OR6C3: variants seen among roughly 807,000 people sequenced by gnomAD.
The protein encoded by OR6C3 is olfactory receptor family 6 subfamily C member 3.
For missense variants in OR6C3, 487 were observed against 364.6 expected (o/e 1.34, Z -2.73); for synonymous variants, 177 against 137.4 (o/e 1.29, Z -2.02).
At chr12:55,330,220 A>G (rs568383029), upstream of OR6C3, 3 of 152,286 alleles carry the variant, frequency 2.0e-5, no homozygotes, top group South Asian at 6.2e-4. Flanking sequence ...AATGTGTCAT[A>G]TATTTACCTA....
Position 55,331,999 on chromosome 12 carries a change from TC to T in OR6C3, c.300del (p.Phe101LeufsTer6). The T allele has an allele frequency of 6.2e-7, 1 of 1,614,176 alleles. No homozygotes were observed. Among genetic ancestry groups the T allele is most frequent in the Non-Finnish European group, 8.5e-7 (1 of 1,180,032 alleles). Reference sequence around the variant, plus strand: ...AACAACTGTGCAGCCCAACTCTTTTTCTTTATCTTCATGGGGGTGACTGAAT... The same window carrying T: ...AACAACTGTGCAGCCCAACTCTTTTTTTTATCTTCATGGGGGTGACTGAAT... ...SYNNCAAQLF[F>X]FIFMGVTEFY... On this transcript the variant is annotated frameshift_variant, in exon 2 of 2. Coordinates refer to ENST00000641740, the MANE Select transcript of OR6C3 (RefSeq NM_001388498.1). LOFTEE classifies it low-confidence loss of function (END_TRUNC).
rs1462992344 is a variant in OR6C3 at position 55,331,755 on chromosome 12, G to A, written c.55G>A (p.Asp19Asn). 1.9e-6 allele frequency: 3 copies of A among 1,613,806 alleles called. No homozygotes were observed. In the Admixed American group the frequency reaches 5.0e-5, roughly 27 times the overall value. Residue 19 changes from aspartate to asparagine, a missense_variant, in exon 2 of 2, where the codon GAC becomes AAC. Asp to Asn is a conservative substitution (Grantham distance 23). Coordinates refer to ENST00000641740, the MANE Select transcript of OR6C3 (RefSeq NM_001388498.1). Reference sequence around the variant, plus strand: ...CCTCCTGGGCCTTTCTGATGATCCTGACCTTCAGATTGTGATTTTTCTCTT... The same window carrying A: ...CCTCCTGGGCCTTTCTGATGATCCTAACCTTCAGATTGTGATTTTTCTCTT... ...FVLLGLSDDPDLQIVIFLFLF... is the reference protein window; with the variant it reads ...FVLLGLSDDPNLQIVIFLFLF...
rs756174601 is a variant in OR6C3 at position 55,332,054 on chromosome 12, C to A, written c.354C>A (p.Asp118Glu). ...ACATTTTAACTGCCATGTCCTATGA[C>A]CGCTATGTTGCCATCTGCAAGCCCC... ...EFYILTAMSY[D>E]RYVAICKPLH... Residue 118 changes from aspartate to glutamate, a missense_variant, in exon 2 of 2, where the codon GAC becomes GAA. Transcript: ENST00000641740. The A allele has an allele frequency of 2.5e-6, 4 of 1,613,988 alleles. No individual in the cohort carries two copies. Among genetic ancestry groups the A allele is most frequent in the Non-Finnish European group, 3.4e-6 (4 of 1,179,992 alleles).
Position 55,332,563 on chromosome 12 carries a change from C to T in OR6C3, c.863C>T (p.Thr288Ile), listed in dbSNP as rs759120434. ...VAPMLNPFIY[T>I]LRNQQVKQAF... ...CCCATGCTGAACCCCTTCATTTACA[C>T]TCTGAGAAACCAGCAAGTAAAACAA... The change falls in exon 2 of 2, where the codon ACT (threonine) becomes ATT (isoleucine). Residue 288 changes from threonine (T) to isoleucine (I), a missense_variant. Physicochemically the swap from Thr to Ile is moderately conservative, Grantham distance 89. Coordinates refer to ENST00000641740, the MANE Select transcript of OR6C3 (RefSeq NM_001388498.1). 8.7e-6 allele frequency: 14 copies of T among 1,612,282 alleles called. No individual in the cohort carries two copies. Among genetic ancestry groups the T allele is most frequent in the Non-Finnish European group, 1.2e-5 (14 of 1,179,808 alleles).
At position 55,332,036 on chromosome 12, in the gene OR6C3, A is replaced by T. The variant is rs921160917; in HGVS notation, c.336A>T (p.Leu112Phe). ...IFMGVTEFYI[L>F]TAMSYDRYVA... The stretch of plus-strand genomic sequence containing the variant: ...TGGGGGTGACTGAATTTTACATTTT[A>T]ACTGCCATGTCCTATGACCGCTATG... Residue 112 changes from leucine (L) to phenylalanine (F), a missense_variant, in exon 2 of 2, where the codon TTA becomes TTT. Physicochemically the swap from Leu to Phe is conservative, Grantham distance 22. Transcript: ENST00000641740. 1.9e-6 allele frequency: 3 copies of T among 1,613,984 alleles called. No individual in the cohort carries two copies. Among genetic ancestry groups the T allele is most frequent in the Non-Finnish European group, 2.5e-6 (3 of 1,180,020 alleles).
At position 55,332,608 on chromosome 12, in the gene OR6C3, A is replaced by G. The variant is rs1336240876; in HGVS notation, c.908A>G (p.His303Arg). The G allele has an allele frequency of 6.2e-7, 1 of 1,600,374 alleles. No homozygotes were observed. The highest frequency in any genetic ancestry group is 1.7e-5 in the Admixed American group (1 of 58,778). Reference protein sequence around the residue: ...QVKQAFKNVVHKVVFYANQ With the variant: ...QVKQAFKNVVRKVVFYANQ ...AAACAAGCCTTCAAAAATGTGGTCC[A>G]CAAAGTTGTGTTTTATGCAAATCAA... Residue 303 changes from histidine (H) to arginine (R), a missense_variant, in exon 2 of 2, where the codon CAC (histidine) becomes CGC (arginine). By Grantham distance (29) the His-to-Arg change is conservative. Coordinates refer to ENST00000641740, the MANE Select transcript of OR6C3 (RefSeq NM_001388498.1).
chr12:55,331,855 T>A lies in OR6C3; in HGVS notation c.155T>A (p.Leu52Gln). The A allele has an allele frequency of 1.2e-6, 2 of 1,614,206 alleles. No homozygotes were observed. The highest frequency in any genetic ancestry group is 1.7e-6 in the Non-Finnish European group (2 of 1,180,024). Residue 52 changes from leucine to glutamine, a missense_variant, in exon 2 of 2, where the codon CTG (leucine) becomes CAG (glutamine). Transcript: ENST00000641740. ...ACCCTAACCTTTGTGGACTCCCATC[T>A]GCAGACACCTATGTATTTCTTCCTC... ...IITLTFVDSH[L>Q]QTPMYFFLRN...
In OR6C3 at chr12:55,331,861, C is replaced by A. The variant is rs1278008686; in HGVS notation, c.161C>A (p.Thr54Lys). 6.2e-7 allele frequency: 1 copy of A among 1,614,008 alleles called. No homozygotes were observed. The highest frequency in any genetic ancestry group is 8.5e-7 in the Non-Finnish European group (1 of 1,180,002). ...TLTFVDSHLQ[T>K]PMYFFLRNFS... ...ACCTTTGTGGACTCCCATCTGCAGA[C>A]ACCTATGTATTTCTTCCTCCGGAAC... Residue 54 changes from threonine to lysine, a missense_variant, in exon 2 of 2, where the codon ACA becomes AAA. By Grantham distance (78) the Thr-to-Lys change is moderately conservative. Transcript: ENST00000641740.
In OR6C3 at chr12:55,332,522, C is replaced by A. The variant is rs776034637; in HGVS notation, c.822C>A (p.Leu274=). The part of the protein sequence containing the change: ...KASLTKGIAI[L]NTSVAPMLNP... ...CATTGACAAAAGGAATAGCTATTCT[C>A]AATACATCTGTTGCCCCCATGCTGA... The change falls in exon 2 of 2, where the codon CTC becomes CTA. Residue 274 remains leucine (L), a synonymous_variant. Coordinates refer to ENST00000641740, the MANE Select transcript of OR6C3 (RefSeq NM_001388498.1). 5.0e-6 allele frequency: 8 copies of A among 1,613,610 alleles called. No homozygotes were observed. The Admixed American group carries it at 1.2e-4, about 24-fold the overall frequency.
At position 55,332,303 on chromosome 12, in the gene OR6C3, G is replaced by C. The variant is rs1868888406; in HGVS notation, c.603G>C (p.Leu201Phe). The C allele has an allele frequency of 6.2e-7, 1 of 1,613,890 alleles. No individual in the cohort carries two copies. The highest frequency in any genetic ancestry group is 8.5e-7 in the Non-Finnish European group (1 of 1,179,976). The change falls in exon 2 of 2, where the codon TTG becomes TTC. Residue 201 changes from leucine (L) to phenylalanine (F), a missense_variant. By Grantham distance (22) the Leu-to-Phe change is conservative. Coordinates refer to ENST00000641740, the MANE Select transcript of OR6C3 (RefSeq NM_001388498.1). Reference sequence around the variant, plus strand: ...AAGTAATTGGTTTTTACTTTGCTTTGGTTACTTTGCTGTTCACTTTGGCAT... The same window carrying C: ...AAGTAATTGGTTTTTACTTTGCTTTCGTTACTTTGCTGTTCACTTTGGCAT... ...LLEVIGFYFA[L>F]VTLLFTLALV...
At position 55,331,011 on chromosome 12, in the gene OR6C3, G is replaced by C. The variant is rs545561917; in HGVS notation, c.-45+204G>C. Among the ~76,000 whole-genome samples, 7 of 151,732 alleles carry C rather than the reference G, an allele frequency of 4.6e-5. No individual in the cohort carries two copies. The South Asian group carries it at 1.5e-3, about 31-fold the overall frequency. On this transcript the variant is annotated intron_variant, in intron 1 of 1. Transcript: ENST00000641740. ...AAGTAAGCGAACATGTTCCCTATTT[G>C]TTGAGTAAAATAATTACATTATTTA...
upstream of OR6C3, chr12:55,330,684 T>A (rs1399882905): frequency 6.6e-6 from 1 of 152,164 alleles, no homozygotes; most frequent in African/African-American, 2.4e-5. Flanking sequence ...TAAGGAAGAA[T>A]GGTCTTATGT....
Position 55,332,242 on chromosome 12 carries a change from T to G in OR6C3, c.542T>G (p.Leu181Arg), listed in dbSNP as rs1434806834. Residue 181 changes from leucine (L) to arginine (R), a missense_variant, in exon 2 of 2, where the codon CTC (leucine) becomes CGC (arginine). By Grantham distance (102) the Leu-to-Arg change is moderately radical. Coordinates refer to ENST00000641740, the MANE Select transcript of OR6C3 (RefSeq NM_001388498.1). ...IDHFACDYFPLLQLSCSDTWL... is the reference protein window; with the variant it reads ...IDHFACDYFPRLQLSCSDTWL... ...CACTTTGCATGTGACTATTTTCCCC[T>G]CTTACAACTATCTTGTTCAGATACA... is the stretch of plus-strand genomic sequence containing the variant. 1 of 1,614,044 alleles carries G rather than the reference T, an allele frequency of 6.2e-7. No homozygotes were observed. Among genetic ancestry groups the G allele is most frequent in the African/African-American group, 1.3e-5 (1 of 74,934 alleles).
intron 1 of OR6C3, among the ~76,000 whole-genome samples, 190 bp from the exon 2 acceptor site, chr12:55,331,461 GTTAGAT>G (rs138348577): frequency 0.05 from 7,564 of 152,062 alleles, 612 homozygotes; most frequent in African/African-American, 0.17. Context: ...CCTAATTTCT[GTTAGAT>G]TTAAAGTAAG....
At position 55,330,944 on chromosome 12, in the gene OR6C3, T is replaced by A. The variant is rs534289749; in HGVS notation, c.-45+137T>A. ...CATTTCTTGTGAGTCATAGAAGACATCAAACATTAAAGATTTTGATGGAAT... is the reference window on the plus strand; with the variant it reads ...CATTTCTTGTGAGTCATAGAAGACAACAAACATTAAAGATTTTGATGGAAT... On this transcript the variant is annotated intron_variant, in intron 1 of 1. Coordinates refer to ENST00000641740, the MANE Select transcript of OR6C3 (RefSeq NM_001388498.1). The A allele has an allele frequency of 7.2e-5, 11 of 152,124 alleles. No homozygotes were observed. The East Asian group carries it at 1.9e-3, about 27-fold the overall frequency. 9.4% of individuals were successfully genotyped at this position (152,124 alleles called of 1,614,324 possible).
At position 55,331,536 on chromosome 12, in the gene OR6C3, A is replaced by G. The variant is rs563230262; in HGVS notation, c.-44-121A>G. On this transcript the variant is annotated intron_variant, in intron 1 of 1. Coordinates refer to ENST00000641740, the MANE Select transcript of OR6C3 (RefSeq NM_001388498.1). ...TATTAAAACATAATGCAAACAAGATAGTCAAAACTGTCAGACTGTAGAAGA... is the reference window on the plus strand; with the variant it reads ...TATTAAAACATAATGCAAACAAGATGGTCAAAACTGTCAGACTGTAGAAGA... 3.2e-4 allele frequency: 170 copies of G among 534,902 alleles called. 3 individuals carry two copies. In the South Asian group the frequency reaches 5.9e-3, roughly 19 times the overall value. 33.1% of individuals were successfully genotyped at this position (534,902 alleles called of 1,614,324 possible).
In OR6C3 at chr12:55,332,561, C is replaced by T. The variant is rs776148528; in HGVS notation, c.861C>T (p.Tyr287=). ...CCCCCATGCTGAACCCCTTCATTTA[C>T]ACTCTGAGAAACCAGCAAGTAAAAC... ...SVAPMLNPFI[Y]TLRNQQVKQA... The change falls in exon 2 of 2, where the codon TAC becomes TAT. Residue 287 remains tyrosine, a synonymous_variant. Transcript: ENST00000641740. 3.7e-6 allele frequency: 6 copies of T among 1,612,566 alleles called. No individual in the cohort carries two copies.
chr12:55,331,770 A>G lies in OR6C3; in HGVS notation c.70A>G (p.Ile24Val), dbSNP rs1333675802. ...LSDDPDLQIV[I>V]FLFLFITYIL... ...TGATGATCCTGACCTTCAGATTGTG[A>G]TTTTTCTCTTTTTATTTATCACGTA... Residue 24 changes from isoleucine (I) to valine (V), a missense_variant, in exon 2 of 2, where the codon ATT becomes GTT. Transcript: ENST00000641740. 3.7e-6 allele frequency: 6 copies of G among 1,613,560 alleles called. No individual in the cohort carries two copies. The East Asian group carries it at 6.7e-5, about 18-fold the overall frequency.
Position 55,332,202 on chromosome 12 carries a change from T to C in OR6C3, c.502T>C (p.Ser168Pro). Residue 168 changes from serine (S) to proline (P), a missense_variant, in exon 2 of 2, where the codon TCC becomes CCC. Ser to Pro is a moderately conservative substitution (Grantham distance 74). Coordinates refer to ENST00000641740, the MANE Select transcript of OR6C3 (RefSeq NM_001388498.1). ...MLLLQLDYCA[S>P]NVIDHFACDY... ...TCTCCTCCAGCTGGATTACTGTGCT[T>C]CCAACGTCATTGATCACTTTGCATG... The C allele has an allele frequency of 1.9e-6, 3 of 1,614,130 alleles. No individual in the cohort carries two copies. The highest frequency in any genetic ancestry group is 1.7e-6 in the Non-Finnish European group (2 of 1,180,006).
Sources: gnomAD v4.1 joint callset for allele counts (sites outside exome capture counted in the v4.1 genomes callset) on GRCh38, gnomAD v4.1.1 for gene constraint, MANE v1.5 for transcripts, NCBI Gene and HGNC (gene_info 2026-07-23, HGNC 2026-07-21) for gene names.